PLAA: variants seen among roughly 807,000 people sequenced by gnomAD.
PLAA encodes phospholipase A-2-activating protein.
Under a neutral mutation model 84.1 loss-of-function variants are expected in PLAA, and 48 were observed. The observed-to-expected ratio is 0.57, with a 90% CI of 0.45 to 0.73. The LOEUF is 0.73. Ranked by LOEUF, PLAA falls within the 30% of genes least tolerant of loss-of-function variation. The probability of loss-of-function intolerance (pLI) is 0.00; values close to 1 mark genes in which losing one functional copy is unlikely to be tolerated. For synonymous variants in PLAA, 392 were observed against 336.6 expected, an observed-to-expected ratio of 1.16 and a Z score of -1.80; for missense variants, 903 against 954.7, an observed-to-expected ratio of 0.95 and a Z score of 0.71.
At chr9:26,907,262 C>T (rs903806983) in intron 13 of PLAA, among the ~76,000 whole-genome samples, 6 of 151,942 alleles carry the variant, frequency 3.9e-5, no homozygotes, top group South Asian at 2.1e-4. Context: ...GGTGCATGCC[C>T]GGGCGCGGTG....
chr9:26,908,030 C>A (rs1433693450), intron 12 of PLAA, 32 bp from the exon 13 acceptor site: 9 of 1,535,854 alleles, frequency 5.9e-6, no homozygotes, highest in Non-Finnish European at 7.9e-6. Context: ...TCAAAATTCT[C>A]TAACTGTAAT....
intron 2 of PLAA, among the ~76,000 whole-genome samples, chr9:26,931,890 G>C (rs968167867): frequency 6.6e-6 from 1 of 152,108 alleles, no homozygotes; most frequent in South Asian, 2.1e-4. Flanking sequence ...TTTGAGACCA[G>C]CCTGGACAAC....
At chr9:26,923,092 A>G in intron 7 of PLAA, 86 bp downstream of exon 7, 4 of 996,072 alleles carry the variant, frequency 4.0e-6, no homozygotes, top group Non-Finnish European at 5.9e-6. Flanking sequence ...TGAAAAACAC[A>G]AGCAAAACAA....
chr9:26,915,166 C>G (rs1478377638), intron 10 of PLAA, among the ~76,000 whole-genome samples: 1 of 151,280 alleles, frequency 6.6e-6, no homozygotes, highest in African/African-American at 2.4e-5. Context: ...GAGCTGAGAT[C>G]GCACCATTGC....
Position 26,920,245 on chromosome 9 carries a change from T to C in PLAA, c.1179A>G (p.Lys393=). The C allele has an allele frequency of 6.2e-7, 1 of 1,613,816 alleles. No homozygotes were observed. Among genetic ancestry groups the C allele is most frequent in the East Asian group, 2.2e-5 (1 of 44,852 alleles). The part of the protein sequence containing the change: ...SSGANQQTSG[K]VLYEGKEFDY... ...GACATACTTTCCCTTCATATAAAAC[T>C]TTTCCAGATGTTTGCTGATTAGCAC... is the stretch of plus-strand genomic sequence containing the variant. The change falls in exon 8 of 14, where the codon AAA becomes AAG. Residue 393 remains lysine (K), a synonymous_variant. Transcript: ENST00000397292.
At chr9:26,913,212 G>T (rs1587152995) in intron 11 of PLAA, among the ~76,000 whole-genome samples, 1 of 152,040 alleles carries the variant, frequency 6.6e-6, no homozygotes, top group East Asian at 1.9e-4. Flanking sequence ...TATATGCCAA[G>T]ATATCTGTCA....
rs1824485131 is a variant in PLAA at position 26,914,261 on chromosome 9, A to AAG, written c.1487-316_1487-315dup. ...ATGTGAACACTATTCTATTGAAGTA[A>AAG]AGGGGTGGGACTAACTAGCACATAA... On this transcript the variant is annotated intron_variant, in intron 10 of 13. Coordinates refer to ENST00000397292, the MANE Select transcript of PLAA (RefSeq NM_001031689.3). Among the ~76,000 whole-genome samples, 4 of 152,330 alleles carry AAG rather than the reference A, an allele frequency of 2.6e-5. No individual in the cohort carries two copies. The South Asian group carries it at 8.3e-4, about 32-fold the overall frequency.
chr9:26,914,032 A>G (rs1824478833), intron 10 of PLAA, 85 bp from the exon 11 acceptor site: 4 of 928,694 alleles, frequency 4.3e-6, no homozygotes, highest in Middle Eastern at 2.2e-4. Flanking sequence ...TCCAGTATTA[A>G]GCACACTTCA....
chr9:26,928,242 A>C, intron 3 of PLAA, 22 bp from the exon 4 acceptor site: 1 of 1,614,064 alleles, frequency 6.2e-7, no homozygotes, highest in Non-Finnish European at 8.5e-7. Context: ...ATGAGTATCA[A>C]TTTAAGTTGC....
At chr9:26,911,673 C>T (rs566537118) in intron 11 of PLAA, among the ~76,000 whole-genome samples, 70 of 152,224 alleles carry the variant, frequency 4.6e-4, no homozygotes, top group African/African-American at 1.6e-3. Flanking sequence ...AACAAACTGG[C>T]AAATGATGAA....
intron 2 of PLAA, among the ~76,000 whole-genome samples, chr9:26,932,299 G>A (rs1275898551): frequency 6.6e-6 from 1 of 152,128 alleles, no homozygotes; most frequent in Non-Finnish European, 1.5e-5. Context: ...TCTTTTAGAA[G>A]GGTCAACAAA....
intron 5 of PLAA, among the ~76,000 whole-genome samples, 187 bp from the exon 6 acceptor site, chr9:26,926,147 T>A (rs1015300455): frequency 3.9e-5 from 6 of 152,252 alleles, no homozygotes; most frequent in African/African-American, 1.4e-4. Flanking sequence ...TGTCACATCT[T>A]ACAAAGTGTT....
intron 9 of PLAA, among the ~76,000 whole-genome samples, chr9:26,918,321 G>C (rs1824638882): frequency 6.9e-6 from 1 of 145,828 alleles, no homozygotes; most frequent in African/African-American, 2.6e-5. Flanking sequence ...GTAGAGACAG[G>C]GTTTCGCTAT....
chr9:26,908,054 T>C lies in PLAA; in HGVS notation c.1658-56A>G, dbSNP rs1478910539. 5 of 1,340,506 alleles carry C rather than the reference T, an allele frequency of 3.7e-6. No homozygotes were observed. In the East Asian group the frequency reaches 7.0e-5, roughly 19 times the overall value. 83.0% of individuals were successfully genotyped at this position (1,340,506 alleles called of 1,614,324 possible). On this transcript the variant is annotated intron_variant, in intron 12 of 13. Coordinates refer to ENST00000397292, the MANE Select transcript of PLAA (RefSeq NM_001031689.3). ...TCTAACTGTAATTGGCCAGATAATATATAAATGCCAAGACTTTCAATAAAA... is the reference window on the plus strand; with the variant it reads ...TCTAACTGTAATTGGCCAGATAATACATAAATGCCAAGACTTTCAATAAAA...
At chr9:26,920,924 C>T (rs1824738565) in intron 7 of PLAA, among the ~76,000 whole-genome samples, 1 of 151,996 alleles carries the variant, frequency 6.6e-6, no homozygotes, top group Non-Finnish European at 1.5e-5. Context: ...TACTCTTGGC[C>T]CCCGACAGTG....
In PLAA at chr9:26,917,089, C is replaced by T. The variant is rs778992139; in HGVS notation, c.1486+8G>A. The stretch of plus-strand genomic sequence containing the variant: ...AAGAAAGATACATGAATCAAAACTA[C>T]ATCCCACCTGTAAAAGGATCTGCTG... On this transcript the variant is annotated splice_region_variant and intron_variant, in intron 10 of 13. Coordinates refer to ENST00000397292, the MANE Select transcript of PLAA (RefSeq NM_001031689.3). 1.2e-5 allele frequency: 19 copies of T among 1,611,414 alleles called. No homozygotes were observed. The South Asian group carries it at 2.1e-4, about 18-fold the overall frequency.
At chr9:26,946,111 C>CT (rs1302446620) in intron 1 of PLAA, among the ~76,000 whole-genome samples, 2 of 152,172 alleles carry the variant, frequency 1.3e-5, no homozygotes, top group Non-Finnish European at 1.5e-5. Flanking sequence ...TCTAAAATCT[C>CT]TAGCAGTGGG....
At chr9:26,923,121 T>C in intron 7 of PLAA, 57 bp downstream of exon 7, 2 of 1,258,882 alleles carry the variant, frequency 1.6e-6, no homozygotes, top group East Asian at 2.4e-5. Flanking sequence ...TTTCTTCTAA[T>C]TGTTCCAAAA....
Position 26,925,861 on chromosome 9 carries a change from C to G in PLAA, c.833G>C (p.Cys278Ser). ...RLPAQSIWCC[C>S]VLDNGDIVVG... is the part of the protein sequence containing the mutation. The stretch of plus-strand genomic sequence containing the variant: ...CACAATGTCACCATTGTCGAGCACA[C>G]AGCAGCACCATATAGACTGAGCTGG... The change falls in exon 6 of 14, where the codon TGT (cysteine) becomes TCT (serine). Residue 278 changes from cysteine to serine, a missense_variant. Coordinates refer to ENST00000397292, the MANE Select transcript of PLAA (RefSeq NM_001031689.3). 6 of 1,614,046 alleles carry G rather than the reference C, an allele frequency of 3.7e-6. No homozygotes were observed. The highest frequency in any genetic ancestry group is 4.2e-6 in the Non-Finnish European group (5 of 1,179,920).
Sources: allele counts gnomAD v4.1 joint callset (sites outside exome capture counted in the v4.1 genomes callset), GRCh38; gene constraint gnomAD v4.1.1; transcripts MANE v1.5; gene names NCBI Gene and HGNC (gene_info 2026-07-23, HGNC 2026-07-21).